LRP1B: variants seen among roughly 807,000 people sequenced by gnomAD.
LRP1B encodes low-density lipoprotein receptor-related protein 1B.
In LRP1B, 217 loss-of-function variants were observed where a neutral mutation model predicts 556.6. The observed-to-expected ratio is 0.39, with a 90% CI of 0.35 to 0.44. The LOEUF (loss-of-function observed/expected upper bound fraction) is 0.44, where lower values mean the gene tolerates loss of function less well. Among genes scored for constraint, LRP1B ranks in the 20% least tolerant of loss-of-function variants. LRP1B has a pLI of 1.00. For synonymous variants in LRP1B, 2,047 were observed against 1,865.8 expected, an observed-to-expected ratio of 1.10 and a Z score of -2.50; for missense variants, 5,053 against 5,620.8, an observed-to-expected ratio of 0.90 and a Z score of 3.23.
chr2:140,476,590 T>C (rs1015527385), intron 59 of LRP1B, among the ~76,000 whole-genome samples: 2 of 151,972 alleles, frequency 1.3e-5, no homozygotes, highest in Non-Finnish European at 2.9e-5. Flanking sequence ...TAAATAATCA[T>C]TGTAAAGAAC....
At chr2:140,628,132 A>G (rs1188560837) in intron 41 of LRP1B, among the ~76,000 whole-genome samples, 1 of 152,184 alleles carries the variant, frequency 6.6e-6, no homozygotes, top group Non-Finnish European at 1.5e-5. Context: ...TGCCTTCACA[A>G]TCAAGTCTAG....
intron 1 of LRP1B, among the ~76,000 whole-genome samples, chr2:142,114,891 A>G (rs533959128): frequency 6.6e-6 from 1 of 152,142 alleles, no homozygotes; most frequent in Non-Finnish European, 1.5e-5. Context: ...AAAGTGAAAG[A>G]TTTGGAATGT....
chr2:141,613,805 G>C (rs935132819), intron 2 of LRP1B, among the ~76,000 whole-genome samples: 1 of 152,094 alleles, frequency 6.6e-6, no homozygotes, highest in African/African-American at 2.4e-5. Context: ...GGGTATGGCA[G>C]CTCATGCATG....
chr2:141,116,642 T>C (rs1700906572), intron 7 of LRP1B, among the ~76,000 whole-genome samples: 1 of 152,116 alleles, frequency 6.6e-6, no homozygotes, highest in South Asian at 2.1e-4. Context: ...ACCAGTATCA[T>C]CTTTATTTTT....
At chr2:141,864,742 C>A (rs960707904) in intron 1 of LRP1B, among the ~76,000 whole-genome samples, 3 of 151,948 alleles carry the variant, frequency 2.0e-5, no homozygotes, top group Admixed American at 2.0e-4. Flanking sequence ...AATATCTGGG[C>A]GTGGTGGCAC....
At chr2:141,284,485 C>T (rs549845233) in intron 3 of LRP1B, among the ~76,000 whole-genome samples, 2 of 152,116 alleles carry the variant, frequency 1.3e-5, no homozygotes, top group African/African-American at 2.4e-5. Flanking sequence ...TCTGAAGGTA[C>T]TACTAGGAAT....
At chr2:141,475,756 G>T (rs1054122689) in intron 3 of LRP1B, among the ~76,000 whole-genome samples, 2 of 147,030 alleles carry the variant, frequency 1.4e-5, no homozygotes, top group Admixed American at 6.7e-5. Context: ...AGAGAAGTTC[G>T]GTTGGGGATG....
chr2:141,682,051 G>A (rs909346310), intron 2 of LRP1B, among the ~76,000 whole-genome samples: 2 of 151,996 alleles, frequency 1.3e-5, no homozygotes, highest in South Asian at 2.1e-4. Flanking sequence ...GAATTTCGAA[G>A]CAAAAGTGAA....
rs533544059 is a variant in LRP1B at position 141,795,909 on chromosome 2, G to A, written c.205+14370C>T. Among the ~76,000 whole-genome samples the A allele has an allele frequency of 7.1e-4, 65 of 91,930 alleles. 2 individuals carry two copies. The highest frequency in any genetic ancestry group is 1.2e-3 in the Non-Finnish European group (54 of 44,866). The allele number at this position is 91,930 out of a possible 152,430, so 60.3% of individuals were successfully genotyped here. ...ATATATATATATATATAATCTTTAA[G>A]CAAAATTTAACATGAACCTGGCCAT... is the stretch of plus-strand genomic sequence containing the variant. On this transcript the variant is annotated intron_variant, in intron 2 of 90. Transcript: ENST00000389484.
At chr2:141,177,548 G>C (rs1392758563) in intron 7 of LRP1B, among the ~76,000 whole-genome samples, 1 of 152,128 alleles carries the variant, frequency 6.6e-6, no homozygotes, top group African/African-American at 2.4e-5. Context: ...TATTGAACCT[G>C]CAGATTTAAA....
chr2:142,089,285 T>G (rs1706071549), intron 1 of LRP1B, among the ~76,000 whole-genome samples: 2 of 152,160 alleles, frequency 1.3e-5, no homozygotes, highest in Non-Finnish European at 2.9e-5. Context: ...CAGAAAATTA[T>G]AAAACACGGG....
At chr2:140,441,158 T>C (rs1210411261) in intron 66 of LRP1B, among the ~76,000 whole-genome samples, 1 of 152,142 alleles carries the variant, frequency 6.6e-6, no homozygotes, top group Non-Finnish European at 1.5e-5. Context: ...ATTTGAAGCA[T>C]ATAATCTACC....
At chr2:141,022,564 C>T (rs1698095786) in intron 11 of LRP1B, among the ~76,000 whole-genome samples, 1 of 151,916 alleles carries the variant, frequency 6.6e-6, no homozygotes, top group Non-Finnish European at 1.5e-5. Flanking sequence ...TATAGAACAT[C>T]AGTCTTATGT....
intron 35 of LRP1B, among the ~76,000 whole-genome samples, chr2:140,748,591 GTATATATATATATATATATATATATA>G (rs70988428): frequency 1.4e-4 from 10 of 73,330 alleles, no homozygotes. Flanking sequence ...TATACAGTGT[GTATATATATATATATATATATATATA>G]TATATATATT....
At chr2:142,035,613 G>A (rs1240128836) in intron 1 of LRP1B, among the ~76,000 whole-genome samples, 2 of 151,404 alleles carry the variant, frequency 1.3e-5, no homozygotes, top group Non-Finnish European at 3.0e-5. Context: ...TTTTGTTTCC[G>A]TCCATTCCTT....
At chr2:140,738,439 G>T (rs1313353397) in intron 35 of LRP1B, among the ~76,000 whole-genome samples, 1 of 152,056 alleles carries the variant, frequency 6.6e-6, no homozygotes, top group Admixed American at 6.6e-5. Flanking sequence ...CCAATAACAT[G>T]CACTTCTCAA....
chr2:142,097,643 T>C (rs575999237), intron 1 of LRP1B, among the ~76,000 whole-genome samples: 92 of 151,644 alleles, frequency 6.1e-4, no homozygotes, highest in Non-Finnish European at 1.2e-3. Flanking sequence ...AATGATTTAA[T>C]GTCAGCATAC....
chr2:141,809,733 A>G (rs1379497166), intron 2 of LRP1B, among the ~76,000 whole-genome samples: 2 of 119,304 alleles, frequency 1.7e-5, no homozygotes, highest in Non-Finnish European at 3.4e-5. Context: ...ATGAATGGAT[A>G]AAGTTTCTAT....
intron 2 of LRP1B, among the ~76,000 whole-genome samples, chr2:141,487,073 T>C (rs4363970): frequency 0.079 from 12,088 of 152,214 alleles, 561 homozygotes; most frequent in South Asian, 0.12. Context: ...CAGCGTTCCA[T>C]GGACATGCTT....
Sources: allele counts gnomAD v4.1 joint callset (sites outside exome capture counted in the v4.1 genomes callset), GRCh38; gene constraint gnomAD v4.1.1; transcripts MANE v1.5; gene names NCBI Gene and HGNC (gene_info 2026-07-23, HGNC 2026-07-21).